Variants in CR1 observed in about 807,000 individuals in gnomAD.
CR1 encodes complement receptor type 1.
A neutral mutation model predicts 187.3 loss-of-function variants in CR1; 116 were observed. The ratio of observed to expected loss-of-function variants is 0.62; its 90% CI spans 0.53 to 0.72. The LOEUF (loss-of-function observed/expected upper bound fraction) is 0.72, where lower values mean the gene tolerates loss of function less well. CR1 is among the 30% of genes least tolerant of loss of function. The probability of loss-of-function intolerance (pLI) is 0.00; values close to 1 mark genes in which losing one functional copy is unlikely to be tolerated. For synonymous variants in CR1, 576 were observed against 747.1 expected (o/e 0.77, Z 3.73); for missense variants, 1,731 against 2,110.7 (o/e 0.82, Z 3.52).
chr1:207,575,516 C>G, intron 27 of CR1, 79 bp from the exon 28 acceptor site: 4 of 1,575,588 alleles, frequency 2.5e-6, no homozygotes, highest in Non-Finnish European at 3.5e-6. Context: ...TGTAATCCTT[C>G]TGGTTTGCCA....
chr1:207,588,864 G>T (rs1219112868), intron 35 of CR1, 90 bp downstream of exon 35: 4 of 844,284 alleles, frequency 4.7e-6, no homozygotes, highest in South Asian at 3.4e-5. Context: ...CTAAACTATT[G>T]CTCCCTTTAC....
chr1:207,514,615 C>A (rs761533929), intron 4 of CR1, among the ~76,000 whole-genome samples: 2 of 152,108 alleles, frequency 1.3e-5, no homozygotes, highest in Admixed American at 6.5e-5. Context: ...TACAAGCTAA[C>A]CAGTTTATAG....
Position 207,609,178 on chromosome 1 carries a change from T to G in CR1, c.5897-112T>G, listed in dbSNP as rs566406767. The G allele has an allele frequency of 4.3e-5, 47 of 1,098,336 alleles. No individual in the cohort carries two copies. In the South Asian group the frequency reaches 7.7e-4, roughly 18 times the overall value. 68.0% of individuals were successfully genotyped at this position (1,098,336 alleles called of 1,614,324 possible). A position where few individuals can be genotyped will look rare whatever the true frequency, so the allele number is the denominator to read the frequency against. ...AAATATTTTAAGAAAATAACAGTAT[T>G]GTAATTCCATTTAGAAAATCATTGG... On this transcript the variant is annotated intron_variant, in intron 36 of 46. Coordinates refer to ENST00000367049, the MANE Select transcript of CR1 (RefSeq NM_000651.6).
intron 45 of CR1, among the ~76,000 whole-genome samples, chr1:207,628,184 C>T (rs1385432292): frequency 6.6e-6 from 1 of 152,148 alleles, no homozygotes; most frequent in Non-Finnish European, 1.5e-5. Context: ...TACCTAATTA[C>T]TCTGCCCATT....
At chr1:207,630,270 C>T (rs1307797872) in intron 45 of CR1, among the ~76,000 whole-genome samples, 29 of 152,074 alleles carry the variant, frequency 1.9e-4, no homozygotes, top group Admixed American at 1.9e-3. Context: ...GGACATCTGC[C>T]TATAAACAAT....
chr1:207,497,125 C>A (rs1013010449), intron 1 of CR1, among the ~76,000 whole-genome samples: 10 of 152,170 alleles, frequency 6.6e-5, no homozygotes, highest in Non-Finnish European at 1.5e-4. Context: ...CAGGCACTTG[C>A]GGATTAGAAG....
At chr1:207,522,614 G>T (rs1404244909) in intron 4 of CR1, among the ~76,000 whole-genome samples, 1 of 152,164 alleles carries the variant, frequency 6.6e-6, no homozygotes, top group African/African-American at 2.4e-5. Flanking sequence ...TCACTAGTTT[G>T]TTAGCTTTCT....
Position 207,506,091 on chromosome 1 carries a change from ACT to A in CR1, c.301+11_301+12del. On this transcript the variant is annotated intron_variant, in intron 2 of 46. Coordinates refer to ENST00000367049, the MANE Select transcript of CR1 (RefSeq NM_000651.6). ...CTAAGGACAGGTGCAGACGTAAGTA[ACT>A]CTGGAGTGGGAACCCCCCTGTTAGT... is the stretch of plus-strand genomic sequence containing the variant. The A allele has an allele frequency of 1.2e-6, 2 of 1,610,652 alleles. No individual in the cohort carries two copies. Among genetic ancestry groups the A allele is most frequent in the African/African-American group, 1.3e-5 (1 of 74,772 alleles).
At position 207,639,556 on chromosome 1, in the gene CR1, C is replaced by T; in HGVS notation, c.*147C>T. 1.4e-6 allele frequency: 1 copy of T among 716,228 alleles called. No individual in the cohort carries two copies. The highest frequency in any genetic ancestry group is 1.9e-5 in the South Asian group (1 of 53,860). 44.4% of individuals were successfully genotyped at this position (716,228 alleles called of 1,614,324 possible). ...GACATGTGCACTTGAAGATGCTGCC[C>T]CTTCCCTGGTACCTAGCAAAGCTCC... On this transcript the variant is annotated 3_prime_UTR_variant, in exon 47 of 47. Coordinates refer to ENST00000367049, the MANE Select transcript of CR1 (RefSeq NM_000651.6).
At chr1:207,639,161 T>G (rs1304542617) in intron 46 of CR1, among the ~76,000 whole-genome samples, 1 of 152,240 alleles carries the variant, frequency 6.6e-6, no homozygotes, top group Non-Finnish European at 1.5e-5. Context: ...GTTTACATCT[T>G]GGACATAAGT....
At chr1:207,501,419 T>C (rs74151019) in intron 1 of CR1, among the ~76,000 whole-genome samples, 2,025 of 152,308 alleles carry the variant, frequency 0.013, 49 homozygotes, top group African/African-American at 0.046. Flanking sequence ...GATAAAGCTA[T>C]AAAAACTTTT....
At chr1:207,511,491 A>G in intron 3 of CR1, 78 bp from the exon 4 acceptor site, 1 of 1,406,926 alleles carries the variant, frequency 7.1e-7, no homozygotes, top group Non-Finnish European at 1.0e-6. Context: ...ATAAGAGTGT[A>G]ATCTCTGGAA....
intron 35 of CR1, among the ~76,000 whole-genome samples, chr1:207,590,154 T>C (rs904965120): frequency 2.6e-5 from 4 of 152,040 alleles, no homozygotes; most frequent in African/African-American, 9.7e-5. Flanking sequence ...AGACACGTAA[T>C]TGTCAGATTC....
At position 207,607,278 on chromosome 1, in the gene CR1, T is replaced by C; in HGVS notation, c.5838T>C (p.Thr1946=). The C allele has an allele frequency of 6.2e-7, 1 of 1,613,642 alleles. No individual in the cohort carries two copies. Among genetic ancestry groups the C allele is most frequent in the Non-Finnish European group, 8.5e-7 (1 of 1,179,560 alleles). Residue 1946 remains threonine, a synonymous_variant, in exon 36 of 47, where the codon ACT becomes ACC. Coordinates refer to ENST00000367049, the MANE Select transcript of CR1 (RefSeq NM_000651.6). ...EGFRLIGSPS[T]TCLVSGNNVT... ...TTCGACTCATTGGTTCCCCATCTAC[T>C]ACTTGTCTCGTCTCAGGCAATAATG... is the stretch of plus-strand genomic sequence containing the variant.
At chr1:207,619,544 G>C (rs1318954476) in intron 42 of CR1, among the ~76,000 whole-genome samples, 1 of 152,080 alleles carries the variant, frequency 6.6e-6, no homozygotes, top group African/African-American at 2.4e-5. Flanking sequence ...AATTAACATG[G>C]TACTCCTGTT....
At chr1:207,516,691 AT>A (rs1190321565) in intron 4 of CR1, among the ~76,000 whole-genome samples, 1 of 152,190 alleles carries the variant, frequency 6.6e-6, no homozygotes, top group Non-Finnish European at 1.5e-5. Context: ...GTTAATGTAC[AT>A]TATAGAAGTC....
At chr1:207,513,978 A>G (rs1659707722) in intron 4 of CR1, among the ~76,000 whole-genome samples, 1 of 152,140 alleles carries the variant, frequency 6.6e-6, no homozygotes, top group Admixed American at 6.6e-5. Flanking sequence ...GTAGATAACC[A>G]TTTTTGAAAT....
At chr1:207,617,600 TATATATATATATAGAGAGAG>T (rs71154827) in intron 41 of CR1, among the ~76,000 whole-genome samples, 1,056 of 32,806 alleles carry the variant, frequency 0.032, 7 homozygotes, top group Middle Eastern at 0.081. Context: ...TATATATATA[TATATATATATATAGAGAGAG>T]AGAGAGAGAG....
chr1:207,597,734 T>C (rs1029688865), intron 35 of CR1, among the ~76,000 whole-genome samples: 1 of 152,228 alleles, frequency 6.6e-6, no homozygotes, highest in Non-Finnish European at 1.5e-5. Context: ...AACCAGCAAT[T>C]CTGCTCCTAG....
Sources: allele counts gnomAD v4.1 joint callset (sites outside exome capture counted in the v4.1 genomes callset), GRCh38; gene constraint gnomAD v4.1.1; transcripts MANE v1.5; gene names NCBI Gene and HGNC (gene_info 2026-07-23, HGNC 2026-07-21).